Variants in NKAIN2 observed in about 807,000 individuals in gnomAD.
NKAIN2 encodes sodium/potassium-transporting ATPase subunit beta-1-interacting protein 2.
In NKAIN2, 14 loss-of-function variants were observed where a neutral mutation model predicts 32.6. That is an observed-to-expected ratio of 0.43 (90% CI 0.28 to 0.67). NKAIN2 has a LOEUF of 0.67. NKAIN2 is among the 30% of genes least tolerant of loss of function. The pLI is 0.17. For missense variants in NKAIN2, 198 were observed against 258.3 expected, an observed-to-expected ratio of 0.77 and a Z score of 1.60; for synonymous variants, 80 against 87.2, an observed-to-expected ratio of 0.92 and a Z score of 0.46.
intron 3 of NKAIN2, among the ~76,000 whole-genome samples, chr6:124,634,528 C>T (rs78618118): frequency 0.04 from 6,071 of 151,964 alleles, 170 homozygotes; most frequent in Middle Eastern, 0.092. Context: ...GAAAAGGAGT[C>T]TTTTGAAATA....
intron 1 of NKAIN2, among the ~76,000 whole-genome samples, chr6:124,178,628 C>T (rs775206749): frequency 1.3e-5 from 2 of 152,070 alleles, no homozygotes; most frequent in Non-Finnish European, 2.9e-5. Flanking sequence ...ATCACATAAT[C>T]CTAATTAAGA....
chr6:124,731,838 T>G (rs1436139351), intron 4 of NKAIN2, among the ~76,000 whole-genome samples: 1 of 152,144 alleles, frequency 6.6e-6, no homozygotes, highest in African/African-American at 2.4e-5. Context: ...TGTCTCTACA[T>G]AACAATCTAA....
intron 2 of NKAIN2, among the ~76,000 whole-genome samples, chr6:124,296,439 A>G (rs905218161): frequency 2.0e-5 from 3 of 152,162 alleles, no homozygotes; most frequent in African/African-American, 7.2e-5. Context: ...GTAGCTAGGT[A>G]TATGCAAATA....
At chr6:124,508,633 A>G (rs931700159) in intron 3 of NKAIN2, among the ~76,000 whole-genome samples, 5 of 152,030 alleles carry the variant, frequency 3.3e-5, no homozygotes, top group South Asian at 2.1e-4. Flanking sequence ...ATGAGCCACC[A>G]CGCCTGGCCA....
chr6:124,266,396 G>A (rs1322051475), intron 1 of NKAIN2, among the ~76,000 whole-genome samples: 1 of 152,030 alleles, frequency 6.6e-6, no homozygotes, highest in Non-Finnish European at 1.5e-5. Context: ...TCCCACCTGA[G>A]CCTCCCAAGT....
intron 1 of NKAIN2, among the ~76,000 whole-genome samples, chr6:123,865,068 G>C (rs987054518): frequency 5.3e-5 from 8 of 151,920 alleles, no homozygotes; most frequent in Admixed American, 3.3e-4. Context: ...TTTTAGTCTA[G>C]GACCCTTTTA....
At chr6:123,962,186 T>G (rs979651716) in intron 1 of NKAIN2, among the ~76,000 whole-genome samples, 15 of 152,204 alleles carry the variant, frequency 9.9e-5, no homozygotes, top group Non-Finnish European at 2.1e-4. Context: ...TTGCATGTAT[T>G]TTCAAATCCT....
intron 4 of NKAIN2, among the ~76,000 whole-genome samples, chr6:124,779,121 T>G (rs1262024572): frequency 6.6e-6 from 1 of 151,904 alleles, no homozygotes; most frequent in East Asian, 1.9e-4. Flanking sequence ...AGGCTTGTAA[T>G]CCCAGATACT....
chr6:124,414,863 A>G (rs1259198630), intron 3 of NKAIN2, among the ~76,000 whole-genome samples: 1 of 152,126 alleles, frequency 6.6e-6, no homozygotes, highest in East Asian at 1.9e-4. Context: ...GATATTGTTA[A>G]CTTGCTAATT....
intron 1 of NKAIN2, among the ~76,000 whole-genome samples, chr6:123,947,081 T>C (rs911417953): frequency 1.3e-5 from 2 of 152,220 alleles, no homozygotes; most frequent in South Asian, 2.1e-4. Context: ...GGAGTCGTAC[T>C]GTGGCGGTCA....
chr6:124,001,202 T>C (rs1779863699), intron 1 of NKAIN2, among the ~76,000 whole-genome samples: 1 of 152,090 alleles, frequency 6.6e-6, no homozygotes, highest in African/African-American at 2.4e-5. Context: ...TGTAAACTTT[T>C]TTTTTTTGGC....
intron 3 of NKAIN2, among the ~76,000 whole-genome samples, chr6:124,512,538 A>C (rs781275591): frequency 1.1e-4 from 16 of 152,184 alleles, no homozygotes; most frequent in Non-Finnish European, 2.4e-4. Context: ...AAGAAAATTA[A>C]AATAGCTCTA....
At chr6:124,700,900 T>A (rs9375354) in intron 4 of NKAIN2, among the ~76,000 whole-genome samples, 1,802 of 83,344 alleles carry the variant, frequency 0.022, 21 homozygotes, top group African/African-American at 0.073. Context: ...ACACACACAC[T>A]CTCTCATCAT....
rs796950520 is a variant in NKAIN2, at chr6:124,072,572, C to T, written c.55-210433C>T. On this transcript the variant is annotated intron_variant, in intron 1 of 6. Coordinates refer to ENST00000368417, the MANE Select transcript of NKAIN2 (RefSeq NM_001040214.3). ...ATTAAGCCATTATTTTCCTTCCAAG[C>T]GACACAAACCATTTCTTTCCTCCAT... is the stretch of plus-strand genomic sequence containing the variant. Among the ~76,000 whole-genome samples the T allele has an allele frequency of 4.6e-5, 7 of 152,222 alleles. No homozygotes were observed. In the East Asian group the frequency reaches 7.7e-4, roughly 17 times the overall value.
intron 5 of NKAIN2, among the ~76,000 whole-genome samples, chr6:124,805,953 G>A (rs1282152450): frequency 6.6e-6 from 1 of 152,156 alleles, no homozygotes; most frequent in Non-Finnish European, 1.5e-5. Flanking sequence ...AGAATAAAAA[G>A]AAACGAACAA....
At chr6:124,161,097 G>A (rs775016449) in intron 1 of NKAIN2, among the ~76,000 whole-genome samples, 1 of 152,240 alleles carries the variant, frequency 6.6e-6, no homozygotes, top group East Asian at 1.9e-4. Flanking sequence ...ATAAATACTT[G>A]AGACTGGGTA....
intron 3 of NKAIN2, among the ~76,000 whole-genome samples, chr6:124,397,191 T>C (rs542421977): frequency 6.6e-6 from 1 of 152,110 alleles, no homozygotes; most frequent in Admixed American, 6.5e-5. Context: ...ACATTTATAG[T>C]GTAGTGTTCC....
intron 3 of NKAIN2, among the ~76,000 whole-genome samples, chr6:124,385,348 T>C (rs146135515): frequency 3.4e-4 from 52 of 152,164 alleles, no homozygotes; most frequent in African/African-American, 1.1e-3. Context: ...TCATAATTTC[T>C]TGAGACTGCT....
chr6:124,658,438 T>C, intron 4 of NKAIN2, 52 bp downstream of exon 4: 3 of 1,613,650 alleles, frequency 1.9e-6, no homozygotes, highest in South Asian at 1.1e-5. Flanking sequence ...GTTGTTTTAT[T>C]TCTGTGCGAA....
Sources: allele counts gnomAD v4.1 joint callset (sites outside exome capture counted in the v4.1 genomes callset), GRCh38; gene constraint gnomAD v4.1.1; transcripts MANE v1.5; gene names NCBI Gene and HGNC (gene_info 2026-07-23, HGNC 2026-07-21).